The following JMY variants were observed in gnomAD, a reference collection of about 807,000 sequenced individuals.
JMY encodes the protein junction-mediating and -regulatory protein.
In JMY, 46 loss-of-function variants were observed where a neutral mutation model predicts 103.3. That is an observed-to-expected ratio of 0.45 (90% CI 0.35 to 0.57). The LOEUF (loss-of-function observed/expected upper bound fraction) is 0.57, where lower values mean the gene tolerates loss of function less well. JMY is among the 20% of genes least tolerant of loss of function. The pLI, the probability that JMY is intolerant of heterozygous loss-of-function variation, is 0.00. For synonymous variants in JMY, 526 were observed against 489.3 expected, an observed-to-expected ratio of 1.07 and a Z score of -0.99; for missense variants, 1,238 against 1,255.2, an observed-to-expected ratio of 0.99 and a Z score of 0.21.
In JMY at chr5:79,247,824, T is replaced by C. The variant is rs779968797; in HGVS notation, c.1032+10142T>C. Among the ~76,000 whole-genome samples, 5 of 151,116 alleles carry C rather than the reference T, an allele frequency of 3.3e-5. No individual in the cohort carries two copies. The East Asian group carries it at 7.7e-4, about 23-fold the overall frequency. ...CCCGCCACCATGCCTGGGTAACTTT[T>C]GTATTTTTGTATTTTATTTTATTTT... On this transcript the variant is annotated intron_variant, in intron 1 of 10. Transcript: ENST00000396137.
At chr5:79,313,216 C>T (rs145689955) in intron 8 of JMY, among the ~76,000 whole-genome samples, 184 of 152,142 alleles carry the variant, frequency 1.2e-3, no homozygotes, top group African/African-American at 4.1e-3. Context: ...TTGCTTGAGC[C>T]GGGGAGTTCA....
At chr5:79,256,213 CA>C (rs1294852819) in intron 1 of JMY, among the ~76,000 whole-genome samples, 2 of 152,174 alleles carry the variant, frequency 1.3e-5, no homozygotes, top group African/African-American at 2.4e-5. Context: ...GGAACAAGCC[CA>C]GGGGGAGTAC....
chr5:79,248,370 G>A (rs927817364), intron 1 of JMY, among the ~76,000 whole-genome samples: 15 of 151,330 alleles, frequency 9.9e-5, no homozygotes, highest in African/African-American at 3.2e-4. Flanking sequence ...GCAGTGGCAC[G>A]ATCTCGGCTC....
intron 1 of JMY, among the ~76,000 whole-genome samples, chr5:79,245,831 G>A (rs1744884108): frequency 6.6e-6 from 1 of 152,048 alleles, no homozygotes; most frequent in Non-Finnish European, 1.5e-5. Flanking sequence ...TCACTGTGTT[G>A]GCCAGGCTGG....
At chr5:79,296,523 C>T (rs971465729) in intron 4 of JMY, among the ~76,000 whole-genome samples, 6 of 152,176 alleles carry the variant, frequency 3.9e-5, no homozygotes, top group Non-Finnish European at 8.8e-5. Flanking sequence ...GCCCTGTCAC[C>T]GATGCTGGAG....
chr5:79,284,985 G>T, intron 2 of JMY: 1 of 1,011,096 alleles, frequency 9.9e-7, no homozygotes, highest in South Asian at 1.4e-5. Flanking sequence ...GAAACTAGAC[G>T]AACCTCTAGA....
intron 4 of JMY, among the ~76,000 whole-genome samples, chr5:79,295,088 C>A (rs141522857): frequency 1.8e-4 from 28 of 152,196 alleles, no homozygotes; most frequent in Middle Eastern, 3.4e-3. Flanking sequence ...AGTTTTAATT[C>A]GTCAAGTATT....
At chr5:79,300,002 T>TA (rs1746684127) in intron 4 of JMY, 151 bp from the exon 5 acceptor site, 28 of 403,810 alleles carry the variant, frequency 6.9e-5, no homozygotes, top group Admixed American at 1.7e-4. Flanking sequence ...ATATATATAT[T>TA]TTTAAAGTCT....
At chr5:79,314,147 C>T in intron 8 of JMY, 110 bp from the exon 9 acceptor site, 1 of 1,485,812 alleles carries the variant, frequency 6.7e-7, no homozygotes, top group Non-Finnish European at 8.9e-7. Context: ...GCGTGAGCCA[C>T]CACACCCGGC....
At chr5:79,241,321 C>T (rs1744735034) in intron 1 of JMY, among the ~76,000 whole-genome samples, 1 of 152,156 alleles carries the variant, frequency 6.6e-6, no homozygotes, top group Non-Finnish European at 1.5e-5. Context: ...ATAAAGGAAA[C>T]TAGAGAAGTT....
chr5:79,272,644 CTTTTT>C (rs1745818534), intron 1 of JMY, among the ~76,000 whole-genome samples: 1 of 152,122 alleles, frequency 6.6e-6, no homozygotes, highest in African/African-American at 2.4e-5. Context: ...CACTTCATCT[CTTTTT>C]AAGAGACAGG....
chr5:79,294,664 C>T (rs1301519456), intron 4 of JMY, among the ~76,000 whole-genome samples: 2 of 152,078 alleles, frequency 1.3e-5, no homozygotes, highest in Non-Finnish European at 2.9e-5. Flanking sequence ...CGAGACCAGC[C>T]TGGCCAAGAT....
Position 79,326,624 on chromosome 5 carries a change from A to G in JMY, c.*5022A>G, listed in dbSNP as rs1158067319. On this transcript the variant is annotated 3_prime_UTR_variant, in exon 11 of 11. Transcript: ENST00000396137. ...AACTATAATATGTAGTTAATGAAAA[A>G]TGGAAGGCTGCAGATTATTTTGCAT... 1.3e-5 allele frequency: 2 copies of G among 152,196 alleles called. No homozygotes were observed. The highest frequency in any genetic ancestry group is 2.9e-5 in the Non-Finnish European group (2 of 68,016). The allele number at this position is 152,196 out of a possible 1,614,324, so 9.4% of individuals were successfully genotyped here.
chr5:79,265,376 T>C (rs372708794), intron 1 of JMY, among the ~76,000 whole-genome samples: 1 of 152,230 alleles, frequency 6.6e-6, no homozygotes, highest in African/African-American at 2.4e-5. Flanking sequence ...GCAGTGCTTC[T>C]CAAAGTTTAA....
intron 2 of JMY, chr5:79,285,048 A>G: frequency 1.1e-5 from 7 of 611,368 alleles, no homozygotes; most frequent in Non-Finnish European, 2.0e-5. Context: ...TATACTCATC[A>G]TCTTGATCAA....
At position 79,314,589 on chromosome 5, in the gene JMY, C is replaced by T. The variant is rs1367132963; in HGVS notation, c.2397C>T (p.Thr799=). Residue 799 remains threonine (T), a synonymous_variant, in exon 9 of 11, where the codon ACC becomes ACT. Coordinates refer to ENST00000396137, the MANE Select transcript of JMY (RefSeq NM_152405.5). The part of the protein sequence containing the change: ...LNNNLEPCSV[T]INPLPSPLPP... The stretch of plus-strand genomic sequence containing the variant: ...ACAACCTCGAACCATGTTCTGTTAC[C>T]ATAAATCCACTCCCATCCCCTCTTC... The T allele has an allele frequency of 6.2e-7, 1 of 1,613,844 alleles. No individual in the cohort carries two copies. The highest frequency in any genetic ancestry group is 8.5e-7 in the Non-Finnish European group (1 of 1,179,916).
chr5:79,280,207 A>G (rs892037463), intron 2 of JMY, among the ~76,000 whole-genome samples: 1 of 152,246 alleles, frequency 6.6e-6, no homozygotes, highest in African/African-American at 2.4e-5. Context: ...CTAGAAGGCC[A>G]GGAATAAACT....
intron 7 of JMY, among the ~76,000 whole-genome samples, chr5:79,309,230 A>C (rs1172762013): frequency 1.3e-5 from 2 of 152,174 alleles, no homozygotes; most frequent in South Asian, 2.1e-4. Flanking sequence ...TCCTGATCTT[A>C]GCAAGAAAGC....
chr5:79,283,285 A>G (rs1422742085), intron 2 of JMY, among the ~76,000 whole-genome samples: 1 of 152,060 alleles, frequency 6.6e-6, no homozygotes, highest in Non-Finnish European at 1.5e-5. Flanking sequence ...CACTGCACCC[A>G]GCCGTCAACA....
Sources: gnomAD v4.1 joint callset for allele counts (sites outside exome capture counted in the v4.1 genomes callset) on GRCh38, gnomAD v4.1.1 for gene constraint, MANE v1.5 for transcripts, NCBI Gene and HGNC (gene_info 2026-07-23, HGNC 2026-07-21) for gene names.